Variants in RPTOR observed in about 807,000 individuals in gnomAD.
RPTOR encodes regulatory associated protein of MTOR complex 1, also known as regulatory-associated protein of mTOR.
A neutral mutation model predicts 169.9 loss-of-function variants in RPTOR; 21 were observed. The ratio of observed to expected loss-of-function variants is 0.12; its 90% CI spans 0.09 to 0.18. The LOEUF is 0.18. RPTOR is among the 10% of genes least tolerant of loss of function. The pLI is 1.00. For missense variants in RPTOR, 1,133 were observed against 1,855.9 expected, an observed-to-expected ratio of 0.61 and a Z score of 7.16; for synonymous variants, 732 against 753.2, an observed-to-expected ratio of 0.97 and a Z score of 0.46.
At chr17:80,866,982 A>G (rs1872570395) in intron 13 of RPTOR, among the ~76,000 whole-genome samples, 1 of 152,212 alleles carries the variant, frequency 6.6e-6, no homozygotes, top group South Asian at 2.1e-4. Flanking sequence ...ACGTATTTGG[A>G]TGACATCTAA....
intron 4 of RPTOR, among the ~76,000 whole-genome samples, chr17:80,724,450 A>G (rs2143173306): frequency 6.7e-6 from 1 of 148,766 alleles, no homozygotes; most frequent in Non-Finnish European, 1.5e-5. Context: ...ATAAAGTAGG[A>G]TGGTATCTTT....
intron 1 of RPTOR, among the ~76,000 whole-genome samples, chr17:80,576,140 A>C (rs1198687772): frequency 6.6e-6 from 1 of 152,204 alleles, no homozygotes; most frequent in Admixed American, 6.5e-5. Context: ...AGTTGGATTA[A>C]AACAGATCAG....
intron 15 of RPTOR, 140 bp from the exon 16 acceptor site, chr17:80,883,641 C>A: frequency 8.3e-7 from 1 of 1,198,936 alleles, no homozygotes; most frequent in South Asian, 1.3e-5. Context: ...GAATATGAAT[C>A]AGAGGAATCT....
At chr17:80,787,739 G>A (rs1010348263) in intron 6 of RPTOR, among the ~76,000 whole-genome samples, 1 of 152,068 alleles carries the variant, frequency 6.6e-6, no homozygotes, top group African/African-American at 2.4e-5. Context: ...CGTGTAGCCT[G>A]GATTTGCGTT....
chr17:80,822,406 C>G lies in RPTOR; in HGVS notation c.991+105C>G. 8.0e-6 allele frequency: 9 copies of G among 1,122,358 alleles called. 1 individual carries two copies. The South Asian group carries it at 1.1e-4, about 14-fold the overall frequency. 69.5% of individuals were successfully genotyped at this position (1,122,358 alleles called of 1,614,324 possible). On this transcript the variant is annotated intron_variant, in intron 8 of 33. Transcript: ENST00000306801. ...TCAGATAGGATCCGTGAGTGCCTCC[C>G]TAGTGAGGAAGACAGTGGGAGGGGC...
chr17:80,865,359 A>G (rs1455588996), intron 13 of RPTOR, among the ~76,000 whole-genome samples: 1 of 152,214 alleles, frequency 6.6e-6, no homozygotes, highest in African/African-American at 2.4e-5. Flanking sequence ...GGCAGAGGCC[A>G]CCAGGTTGAA....
chr17:80,637,498 C>A (rs1479365266), intron 2 of RPTOR, among the ~76,000 whole-genome samples: 1 of 152,200 alleles, frequency 6.6e-6, no homozygotes, highest in Non-Finnish European at 1.5e-5. Context: ...AGAAGTGACA[C>A]TTGTCCCTTT....
At chr17:80,885,876 G>T (rs1027584777) in intron 17 of RPTOR, among the ~76,000 whole-genome samples, 1 of 152,186 alleles carries the variant, frequency 6.6e-6, no homozygotes, top group Non-Finnish European at 1.5e-5. Context: ...TTACTTACCT[G>T]TTTAGATGTA....
In RPTOR at chr17:80,622,872, C is replaced by T. The variant is rs374479697; in HGVS notation, c.163-2819C>T. ...GAGCCAAGATTATGTCGCTGCACTCCGGCATGGGTGACAGAGTGAGACCCC... is the reference window on the plus strand; with the variant it reads ...GAGCCAAGATTATGTCGCTGCACTCTGGCATGGGTGACAGAGTGAGACCCC... On this transcript the variant is annotated intron_variant, in intron 1 of 33. Coordinates refer to ENST00000306801, the MANE Select transcript of RPTOR (RefSeq NM_020761.3). 2.4e-4 allele frequency among the ~76,000 whole-genome samples: 36 copies of T among 152,156 alleles called. 1 individual carries two copies. In the South Asian group the frequency reaches 6.9e-3, roughly 29 times the overall value.
At chr17:80,599,289 A>G (rs2065168681) in intron 1 of RPTOR, among the ~76,000 whole-genome samples, 1 of 152,074 alleles carries the variant, frequency 6.6e-6, no homozygotes, top group Non-Finnish European at 1.5e-5. Flanking sequence ...CCCCCAGAAG[A>G]CACTCACCCC....
intron 7 of RPTOR, among the ~76,000 whole-genome samples, chr17:80,808,481 A>T (rs1322541819): frequency 6.6e-6 from 1 of 152,166 alleles, no homozygotes; most frequent in Non-Finnish European, 1.5e-5. Context: ...AAAAGTTCTC[A>T]TTTTTATTTG....
chr17:80,874,158 G>A (rs1237082705), intron 13 of RPTOR, among the ~76,000 whole-genome samples: 1 of 152,112 alleles, frequency 6.6e-6, no homozygotes, highest in East Asian at 1.9e-4. Context: ...GCAGCATTCA[G>A]GGCCACTGTA....
chr17:80,614,728 A>G (rs2065296159), intron 1 of RPTOR, among the ~76,000 whole-genome samples: 2 of 152,234 alleles, frequency 1.3e-5, no homozygotes, highest in African/African-American at 4.8e-5. Flanking sequence ...TCTGTAGCCA[A>G]GAGAGGCTTT....
rs577563674 is a variant in RPTOR at position 80,707,090 on chromosome 17, C to G, written c.349-751C>G. ...GATTCTGCTCATTCAGGGTTAAGGG[C>G]CCAGGCAGGAGGCGGAGGGAGGAGC... On this transcript the variant is annotated intron_variant, in intron 3 of 33. Coordinates refer to ENST00000306801, the MANE Select transcript of RPTOR (RefSeq NM_020761.3). This position sits in a 1 kb window ranked among gnomAD's most constrained non-coding sequence, Gnocchi z 5.0. 6.6e-6 allele frequency among the ~76,000 whole-genome samples: 1 copy of G among 152,112 alleles called. No homozygotes were observed. The highest frequency in any genetic ancestry group is 1.5e-5 in the Non-Finnish European group (1 of 68,040).
Position 80,796,608 on chromosome 17 carries a change from T to C in RPTOR, c.890+5099T>C, listed in dbSNP as rs149128399. On this transcript the variant is annotated intron_variant, in intron 7 of 33. Transcript: ENST00000306801. Reference sequence around the variant, plus strand: ...GGTCCCCGCCTCAACACATGGGTATTAGAGTTCAAGATGAGATTTGGGTAG... The same window carrying C: ...GGTCCCCGCCTCAACACATGGGTATCAGAGTTCAAGATGAGATTTGGGTAG... Among the ~76,000 whole-genome samples, 344 of 152,306 alleles carry C rather than the reference T, an allele frequency of 2.3e-3. 3 individuals are homozygous for C. The highest frequency in any genetic ancestry group is 7.7e-3 in the African/African-American group (322 of 41,562).
In RPTOR at chr17:80,858,009, C is replaced by T. The variant is rs1041016873; in HGVS notation, c.1509+109C>T. On this transcript the variant is annotated intron_variant, in intron 13 of 33. Transcript: ENST00000306801. ...CCTTTCTCCAGCCTCGCTCCCTCTC[C>T]AGGCACCGCCGTTCCCTTCCTCTCT... The T allele has an allele frequency of 5.7e-5, 48 of 836,616 alleles. No homozygotes were observed. In the African/African-American group the frequency reaches 7.6e-4, roughly 13 times the overall value. The allele number at this position is 836,616 out of a possible 1,614,324, so 51.8% of individuals were successfully genotyped here.
At position 80,712,578 on chromosome 17, in the gene RPTOR, G is replaced by A. The variant is rs373077984; in HGVS notation, c.507+4579G>A. Among the ~76,000 whole-genome samples, 5 of 152,180 alleles carry A rather than the reference G, an allele frequency of 3.3e-5. No homozygotes were observed. In the East Asian group the frequency reaches 7.7e-4, roughly 24 times the overall value. ...TTCTTTATCCATTTTCCTATTCAAG[G>A]GCATTTTGGATACTCTGAACTTCTG... On this transcript the variant is annotated intron_variant, in intron 4 of 33. Transcript: ENST00000306801.
chr17:80,724,008 A>G (rs1252047947), intron 4 of RPTOR, among the ~76,000 whole-genome samples: 4 of 151,424 alleles, frequency 2.6e-5, no homozygotes, highest in African/African-American at 9.8e-5. Context: ...AGTTTCTGCA[A>G]GAGGTAACTT....
rs1567887517 is a variant in RPTOR at position 80,743,853 on chromosome 17, AGAG to A, written c.655-10156_655-10154del. ...TACTAGCACAGCCCTGGTTACTAGC[AGAG>A]CCCTGGCTACTAGCACAGCCCTGGC... is the stretch of plus-strand genomic sequence containing the variant. On this transcript the variant is annotated intron_variant, in intron 5 of 33. Coordinates refer to ENST00000306801, the MANE Select transcript of RPTOR (RefSeq NM_020761.3). Among the ~76,000 whole-genome samples, 95 of 118,996 alleles carry A rather than the reference AGAG, an allele frequency of 8.0e-4. 1 individual carries two copies. The highest frequency in any genetic ancestry group is 9.9e-4 in the Non-Finnish European group (55 of 55,426). The allele number at this position is 118,996 out of a possible 152,430, so 78.1% of individuals were successfully genotyped here.
Sources: allele counts gnomAD v4.1 joint callset (sites outside exome capture counted in the v4.1 genomes callset), GRCh38; gene constraint gnomAD v4.1.1; non-coding constraint Gnocchi (gnomAD v3.1); transcripts MANE v1.5; gene names NCBI Gene and HGNC (gene_info 2026-07-23, HGNC 2026-07-21).